LRGUK: variants seen among roughly 807,000 people sequenced by gnomAD.
The protein encoded by LRGUK is leucine rich repeats and guanylate kinase domain containing.
LRGUK carries 65 observed loss-of-function variants against 76.0 expected under a neutral mutation model. That is an observed-to-expected ratio of 0.85 (90% CI 0.70 to 1.05). LRGUK has a LOEUF of 1.05. Ranked by LOEUF, LRGUK falls within the 50% of genes least tolerant of loss-of-function variation. The pLI is 0.00. For missense variants in LRGUK, 758 were observed against 732.8 expected (o/e 1.03, Z -0.40); for synonymous variants, 268 against 265.6 (o/e 1.01, Z -0.09).
chr7:134,142,888 T>A (rs1797825172), intron 3 of LRGUK, among the ~76,000 whole-genome samples, 174 bp from the exon 4 acceptor site: 1 of 152,252 alleles, frequency 6.6e-6, no homozygotes. Flanking sequence ...TCTACCTTTT[T>A]TTTGTATATT....
At chr7:134,200,608 G>A (rs1030410926) in intron 14 of LRGUK, among the ~76,000 whole-genome samples, 1 of 152,048 alleles carries the variant, frequency 6.6e-6, no homozygotes, top group South Asian at 2.1e-4. Flanking sequence ...AGATGGACAG[G>A]GGACATTAGT....
intron 16 of LRGUK, among the ~76,000 whole-genome samples, chr7:134,246,104 G>T (rs1329935074): frequency 3.3e-5 from 5 of 152,134 alleles, no homozygotes; most frequent in African/African-American, 1.2e-4. Flanking sequence ...ATGTGTCATG[G>T]TCTCTAAGGA....
At chr7:134,260,166 T>A (rs1802685249) in intron 19 of LRGUK, among the ~76,000 whole-genome samples, 1 of 152,194 alleles carries the variant, frequency 6.6e-6, no homozygotes, top group Middle Eastern at 3.4e-3. Context: ...TGTCGTATAA[T>A]AATATGGTAT....
chr7:134,177,959 G>A (rs1399511144), intron 9 of LRGUK, among the ~76,000 whole-genome samples: 1 of 152,124 alleles, frequency 6.6e-6, no homozygotes, highest in African/African-American at 2.4e-5. Flanking sequence ...ATGAAGAACT[G>A]TACATTATGA....
chr7:134,187,945 A>G (rs927969036), intron 11 of LRGUK, among the ~76,000 whole-genome samples: 4 of 152,250 alleles, frequency 2.6e-5, no homozygotes, highest in African/African-American at 4.8e-5. Context: ...GAGTAAAATA[A>G]AAGACCACAG....
At chr7:134,190,599 A>G (rs761608351) in intron 11 of LRGUK, among the ~76,000 whole-genome samples, 1 of 152,228 alleles carries the variant, frequency 6.6e-6, no homozygotes, top group African/African-American at 2.4e-5. Context: ...TGAACTCAAG[A>G]GTCCTGGTGG....
chr7:134,127,749 C>A (rs1476740889), intron 1 of LRGUK, 85 bp downstream of exon 1: 6 of 1,443,020 alleles, frequency 4.2e-6, no homozygotes, highest in Non-Finnish European at 4.6e-6. Flanking sequence ...GCACCCCCAC[C>A]AGCCCGAAGC....
chr7:134,209,989 A>G (rs1194746206), exon 16 of LRGUK: 1 of 399,664 alleles, frequency 2.5e-6, no homozygotes, highest in African/African-American at 2.1e-5. Flanking sequence ...AGGAAAGGAA[A>G]GCTCCCCAAG....
chr7:134,182,291 T>G (rs980366671), intron 10 of LRGUK, among the ~76,000 whole-genome samples: 3 of 152,332 alleles, frequency 2.0e-5, no homozygotes, highest in Admixed American at 1.3e-4. Flanking sequence ...TTTGGGTGAT[T>G]GCAAATAGAG....
chr7:134,163,532 GATA>G, exon 7 of LRGUK: 1 of 1,611,600 alleles, frequency 6.2e-7, no homozygotes, highest in South Asian at 1.1e-5. Flanking sequence ...CAACCTGGAG[GATA>G]ATAAGGTAGT....
At chr7:134,127,686 G>A in intron 1 of LRGUK, 22 bp downstream of exon 1, 1 of 1,577,328 alleles carries the variant, frequency 6.3e-7, no homozygotes, top group South Asian at 1.1e-5. Context: ...CCCCCACCCC[G>A]TACTCCCTGG....
chr7:134,234,899 A>C lies in LRGUK; in HGVS notation c.1984-12657A>C, dbSNP rs1227113936. 3.2e-4 allele frequency among the ~76,000 whole-genome samples: 48 copies of C among 152,278 alleles called. 1 individual carries two copies. Among genetic ancestry groups the C allele is most frequent in the Non-Finnish European group, 7.3e-5 (5 of 68,030 alleles). ...TGCCAACTCTGTATCTGCAGTTATCAGGCCAAAAACTTTGTACTCTTTTCT... is the reference window on the plus strand; with the variant it reads ...TGCCAACTCTGTATCTGCAGTTATCCGGCCAAAAACTTTGTACTCTTTTCT... On this transcript the variant is annotated intron_variant, in intron 16 of 19. Transcript: ENST00000285928.
At chr7:134,263,056 T>C (rs1260349410) in intron 19 of LRGUK, among the ~76,000 whole-genome samples, 10 of 152,172 alleles carry the variant, frequency 6.6e-5, no homozygotes, top group Admixed American at 6.5e-4. Flanking sequence ...GTCTTATTTT[T>C]TTCTTTGAAT....
At chr7:134,127,486 C>T in exon 1 of LRGUK, 2 of 1,614,140 alleles carry the variant, frequency 1.2e-6, no homozygotes, top group Middle Eastern at 1.7e-4. Flanking sequence ...GAGCGTCAGC[C>T]TTGCTGGTCT....
At chr7:134,155,681 A>ACC (rs1461557217) in intron 5 of LRGUK, among the ~76,000 whole-genome samples, 1 of 152,104 alleles carries the variant, frequency 6.6e-6, no homozygotes, top group African/African-American at 2.4e-5. Context: ...AATGCTTTAT[A>ACC]ATTGTGAGGT....
At chr7:134,168,222 GGGCATGGT>G (rs2116953721) in intron 7 of LRGUK, among the ~76,000 whole-genome samples, 1 of 152,086 alleles carries the variant, frequency 6.6e-6, no homozygotes, top group Non-Finnish European at 1.5e-5. Context: ...AAAAAAAACT[GGGCATGGT>G]GACGTGTGCC....
chr7:134,185,747 A>G (rs1219221385), intron 11 of LRGUK, among the ~76,000 whole-genome samples: 5 of 152,172 alleles, frequency 3.3e-5, no homozygotes, highest in Admixed American at 6.5e-5. Flanking sequence ...TTACAAAAAA[A>G]CTTCCTTCCC....
intron 5 of LRGUK, among the ~76,000 whole-genome samples, chr7:134,156,478 A>C (rs1191498221): frequency 6.6e-6 from 1 of 152,204 alleles, no homozygotes; most frequent in Admixed American, 6.5e-5. Flanking sequence ...GTGTTAAAAA[A>C]ATAAGAAAAA....
chr7:134,239,691 G>A (rs1328547554), intron 16 of LRGUK, among the ~76,000 whole-genome samples: 1 of 152,230 alleles, frequency 6.6e-6, no homozygotes, highest in Non-Finnish European at 1.5e-5. Flanking sequence ...TGACAGCTTT[G>A]AAGAGAGTAG....
Sources: allele counts gnomAD v4.1 joint callset (sites outside exome capture counted in the v4.1 genomes callset), GRCh38; gene constraint gnomAD v4.1.1; transcripts MANE v1.5; gene names NCBI Gene and HGNC (gene_info 2026-07-23, HGNC 2026-07-21).